FRMD4A: variants seen among roughly 807,000 people sequenced by gnomAD.
The protein encoded by FRMD4A is FERM domain containing 4A.
A neutral mutation model predicts 129.1 loss-of-function variants in FRMD4A; 29 were observed. The ratio of observed to expected loss-of-function variants is 0.22; its 90% CI spans 0.17 to 0.31. The LOEUF (loss-of-function observed/expected upper bound fraction) is 0.31. FRMD4A is among the 10% of genes least tolerant of loss of function. The pLI, the probability that FRMD4A is intolerant of heterozygous loss-of-function variation, is 1.00. For synonymous variants in FRMD4A, 634 were observed against 571.6 expected, an observed-to-expected ratio of 1.11 and a Z score of -1.56; for missense variants, 1,272 against 1,375.8, an observed-to-expected ratio of 0.92 and a Z score of 1.19.
chr10:13,990,392 C>T (rs534083041), intron 2 of FRMD4A, among the ~76,000 whole-genome samples: 5 of 152,294 alleles, frequency 3.3e-5, no homozygotes, highest in East Asian at 3.9e-4. Flanking sequence ...GGCCCAGAGA[C>T]GTGCCTTCCT....
chr10:13,964,066 C>CT (rs2095466344), intron 2 of FRMD4A, among the ~76,000 whole-genome samples: 1 of 151,246 alleles, frequency 6.6e-6, no homozygotes. Context: ...TCAACACAGC[C>CT]AACCCAGAAC....
At chr10:13,797,219 T>A (rs1289377222) in intron 4 of FRMD4A, among the ~76,000 whole-genome samples, 1 of 152,178 alleles carries the variant, frequency 6.6e-6, no homozygotes, top group African/African-American at 2.4e-5. Flanking sequence ...TGAACCGCCT[T>A]TCCACCACAC....
chr10:14,037,898 C>T (rs986120128), intron 2 of FRMD4A, among the ~76,000 whole-genome samples: 2 of 152,210 alleles, frequency 1.3e-5, no homozygotes, highest in Admixed American at 1.3e-4. Flanking sequence ...AAGACCAATT[C>T]CCTTTTTTAA....
intron 2 of FRMD4A, among the ~76,000 whole-genome samples, chr10:13,946,318 T>C (rs1338066493): frequency 6.6e-6 from 1 of 152,186 alleles, no homozygotes; most frequent in South Asian, 2.1e-4. Flanking sequence ...AAAGAGGTGC[T>C]CGTTACTCAG....
intron 3 of FRMD4A, among the ~76,000 whole-genome samples, chr10:13,850,925 G>C (rs1158419388): frequency 1.3e-5 from 2 of 152,210 alleles, no homozygotes; most frequent in Non-Finnish European, 2.9e-5. Flanking sequence ...ATTCTATAAA[G>C]AATTGTAGGC....
At chr10:13,752,742 T>C (rs1480154936) in intron 8 of FRMD4A, among the ~76,000 whole-genome samples, 1 of 152,202 alleles carries the variant, frequency 6.6e-6, no homozygotes, top group Non-Finnish European at 1.5e-5. Context: ...GCGGGATATT[T>C]CATAAGTAGA....
intron 8 of FRMD4A, among the ~76,000 whole-genome samples, chr10:13,754,834 A>C (rs1257047174): frequency 6.6e-6 from 1 of 152,152 alleles, no homozygotes; most frequent in East Asian, 1.9e-4. Flanking sequence ...TTTTTTCAGG[A>C]ATTATCTAAA....
At chr10:13,786,733 G>A (rs1376747804) in intron 5 of FRMD4A, among the ~76,000 whole-genome samples, 2 of 152,154 alleles carry the variant, frequency 1.3e-5, no homozygotes, top group Non-Finnish European at 2.9e-5. Context: ...GGGAGGCAAG[G>A]AAGAGAGAAA....
chr10:13,764,275 C>T (rs190287024), intron 6 of FRMD4A, among the ~76,000 whole-genome samples: 47 of 150,140 alleles, frequency 3.1e-4, no homozygotes, highest in African/African-American at 1.1e-3. Flanking sequence ...GAGGCAGAGG[C>T]GGATGGATCA....
chr10:14,223,238 C>T (rs1408423289), intron 2 of FRMD4A, among the ~76,000 whole-genome samples: 1 of 152,212 alleles, frequency 6.6e-6, no homozygotes, highest in Non-Finnish European at 1.5e-5. Context: ...CATCATGGTG[C>T]CTCTCCCCAG....
In FRMD4A at chr10:13,656,624, G is replaced by A. The variant is rs775039060; in HGVS notation, c.2953+12C>T. 7 of 1,391,304 alleles carry A rather than the reference G, an allele frequency of 5.0e-6. No homozygotes were observed. Among genetic ancestry groups the A allele is most frequent in the East Asian group, 5.5e-5 (2 of 36,062 alleles). 86.2% of individuals were successfully genotyped at this position (1,391,304 alleles called of 1,614,324 possible). A position where few individuals can be genotyped will look rare whatever the true frequency, so the allele number is the denominator to read the frequency against. ...CAGGTCTTCCCGCGTGCACCTGGCC[G>A]CCCCCTCTCACCTGACGTGGCCTTG... On this transcript the variant is annotated intron_variant, in intron 22 of 24. Coordinates refer to ENST00000357447, the MANE Select transcript of FRMD4A (RefSeq NM_018027.5).
intron 2 of FRMD4A, among the ~76,000 whole-genome samples, chr10:14,245,666 G>T (rs1193308460): frequency 6.6e-6 from 1 of 152,104 alleles, no homozygotes; most frequent in Non-Finnish European, 1.5e-5. Context: ...TCTGTAAGAC[G>T]AGGAAATTTG....
chr10:14,280,050 A>T (rs1845467957), intron 2 of FRMD4A, among the ~76,000 whole-genome samples: 1 of 152,210 alleles, frequency 6.6e-6, no homozygotes, highest in South Asian at 2.1e-4. Flanking sequence ...GTGATGACTG[A>T]TGAAGACTTG....
chr10:14,330,293 C>T (rs1205569440), intron 1 of FRMD4A, 110 bp from the exon 2 acceptor site: 2 of 574,716 alleles, frequency 3.5e-6, no homozygotes. Context: ...AGGGTGGGAA[C>T]TGTGCTTAGG....
chr10:14,162,630 G>GTTTTTTTTT (rs556368229), intron 2 of FRMD4A, among the ~76,000 whole-genome samples: 1 of 117,342 alleles, frequency 8.5e-6, no homozygotes, highest in Admixed American at 8.8e-5. Flanking sequence ...GAGTTTCTCT[G>GTTTTTTTTT]TTTTTTTTTT....
At chr10:13,674,731 T>G (rs2083825520) in intron 16 of FRMD4A, among the ~76,000 whole-genome samples, 180 bp downstream of exon 16, 1 of 152,224 alleles carries the variant, frequency 6.6e-6, no homozygotes, top group Admixed American at 6.5e-5. Flanking sequence ...TTCCAACATT[T>G]GTGTTTCAGG....
At chr10:13,841,946 T>G (rs1318133439) in intron 3 of FRMD4A, among the ~76,000 whole-genome samples, 1 of 152,172 alleles carries the variant, frequency 6.6e-6, no homozygotes, top group African/African-American at 2.4e-5. Flanking sequence ...ACCTGTGAAA[T>G]CTGCATTAAT....
chr10:14,250,461 A>G (rs960494798), intron 2 of FRMD4A, among the ~76,000 whole-genome samples: 3 of 152,172 alleles, frequency 2.0e-5, no homozygotes, highest in African/African-American at 7.2e-5. Flanking sequence ...GGATTTTCCA[A>G]TTAAGGGGAA....
At chr10:13,999,171 C>A (rs1416738742) in intron 2 of FRMD4A, among the ~76,000 whole-genome samples, 2 of 152,094 alleles carry the variant, frequency 1.3e-5, no homozygotes, top group South Asian at 4.1e-4. Flanking sequence ...CCTCCCTGTC[C>A]TTCCTTGAGA....
Sources: gnomAD v4.1 joint callset for allele counts (sites outside exome capture counted in the v4.1 genomes callset) on GRCh38, gnomAD v4.1.1 for gene constraint, MANE v1.5 for transcripts, NCBI Gene and HGNC (gene_info 2026-07-23, HGNC 2026-07-21) for gene names.